Variants in C2orf76 observed in about 807,000 individuals in gnomAD.
The protein encoded by C2orf76 is UPF0538 protein C2orf76.
C2orf76 carries 23 observed loss-of-function variants against 16.9 expected under a neutral mutation model. That is an observed-to-expected ratio of 1.36 (90% CI 0.98 to 1.93). The LOEUF (loss-of-function observed/expected upper bound fraction) is 1.93, where lower values mean the gene tolerates loss of function less well. C2orf76 is among the 30% of genes most tolerant of loss of function. The probability of loss-of-function intolerance (pLI) is 0.00; values close to 1 mark genes in which losing one functional copy is unlikely to be tolerated. For synonymous variants in C2orf76, 48 were observed against 52.3 expected, an observed-to-expected ratio of 0.92 and a Z score of 0.35; for missense variants, 152 against 152.6, an observed-to-expected ratio of 1.00 and a Z score of 0.02.
In C2orf76 at chr2:119,339,920, G is replaced by C. The variant is rs759498731; in HGVS notation, c.40C>G (p.Arg14Gly). 1.9e-6 allele frequency: 3 copies of C among 1,612,792 alleles called. No individual in the cohort carries two copies. Among genetic ancestry groups the C allele is most frequent in the Admixed American group, 3.3e-5 (2 of 59,994 alleles). Residue 14 changes from arginine to glycine, a missense_variant, in exon 2 of 6, where the codon CGT becomes GGT. Transcript: ENST00000334816. ...TTGAAATTGCGATGTTCAAAGGAACGGATGAGGCGAACTGTGATGGTCACT... is the reference window on the plus strand; with the variant it reads ...TTGAAATTGCGATGTTCAAAGGAACCGATGAGGCGAACTGTGATGGTCACT... ...GEVTITVRLI[R>G]SFEHRNFKPV...
At chr2:119,295,990 C>T in the C2orf76 span, among the ~76,000 whole-genome samples, 5 of 152,176 alleles carry the variant, frequency 3.3e-5, no homozygotes, top group African/African-American at 7.2e-5. Context: ...AGGCCATTAT[C>T]GAAACTCTTA....
At chr2:119,285,539 AC>A in the C2orf76 span, among the ~76,000 whole-genome samples, 15 of 152,106 alleles carry the variant, frequency 9.9e-5, no homozygotes, top group Non-Finnish European at 1.5e-4. Flanking sequence ...GTCGTATCCC[AC>A]CCCCAACACC....
At chr2:119,310,670 G>A (rs750956325) in intron 5 of C2orf76, among the ~76,000 whole-genome samples, 4 of 152,052 alleles carry the variant, frequency 2.6e-5, no homozygotes, top group Non-Finnish European at 4.4e-5. Context: ...TTAGAAATTC[G>A]AGACCAGTCT....
At chr2:119,358,629 G>A (rs1266814068) in intron 1 of C2orf76, among the ~76,000 whole-genome samples, 1 of 147,926 alleles carries the variant, frequency 6.8e-6, no homozygotes, top group Non-Finnish European at 1.5e-5. Context: ...TATGGAGAAA[G>A]TCTGAGTGCT....
At chr2:119,346,358 T>A (rs766941220) in intron 1 of C2orf76, among the ~76,000 whole-genome samples, 27 of 152,326 alleles carry the variant, frequency 1.8e-4, no homozygotes, top group Non-Finnish European at 2.6e-4. Context: ...CATATCCATG[T>A]GTAATGCCCC....
Position 119,343,475 on chromosome 2 carries a change from T to TACAC in C2orf76, c.-12-3508_-12-3505dup, listed in dbSNP as rs59651595. ...ACACGCATATGCACACACCTATACC[T>TACAC]ACACACACACACACACACACACACA... On this transcript the variant is annotated intron_variant, in intron 1 of 5. Transcript: ENST00000334816. 2.3e-3 allele frequency among the ~76,000 whole-genome samples: 341 copies of TACAC among 146,048 alleles called. 1 individual carries two copies. The highest frequency in any genetic ancestry group is 5.6e-3 in the East Asian group (27 of 4,802).
intron 1 of C2orf76, among the ~76,000 whole-genome samples, chr2:119,346,317 A>C (rs1680200585): frequency 6.6e-6 from 1 of 152,228 alleles, no homozygotes; most frequent in Admixed American, 6.5e-5. Context: ...AAGTTATGTT[A>C]ACACAAAAAC....
chr2:119,318,238 T>C (rs1679236268), intron 3 of C2orf76, among the ~76,000 whole-genome samples: 1 of 152,242 alleles, frequency 6.6e-6, no homozygotes, highest in Non-Finnish European at 1.5e-5. Flanking sequence ...TTCAACAGGT[T>C]GAAATTCAGA....
intron 4 of C2orf76, among the ~76,000 whole-genome samples, chr2:119,314,463 C>T (rs1344989030): frequency 2.0e-5 from 3 of 152,032 alleles, no homozygotes; most frequent in Admixed American, 2.0e-4. Flanking sequence ...TTATTGAGTC[C>T]TCCATCTTTT....
chr2:119,322,972 C>G (rs544338684), intron 2 of C2orf76, among the ~76,000 whole-genome samples: 3 of 152,060 alleles, frequency 2.0e-5, no homozygotes, highest in Non-Finnish European at 4.4e-5. Context: ...GTGTTACCTA[C>G]TAAAGAAAAG....
intron 2 of C2orf76, among the ~76,000 whole-genome samples, chr2:119,336,474 T>C (rs997385864): frequency 2.0e-5 from 3 of 151,710 alleles, no homozygotes; most frequent in African/African-American, 7.3e-5. Context: ...TTATTATATT[T>C]ATATGACTTA....
intron 2 of C2orf76, among the ~76,000 whole-genome samples, chr2:119,332,289 A>AT (rs941108916): frequency 3.9e-5 from 6 of 151,998 alleles, no homozygotes; most frequent in East Asian, 1.9e-4. Flanking sequence ...AAAGGAAAAA[A>AT]AAAATAAAAC....
chr2:119,337,052 T>C (rs1037168500), intron 2 of C2orf76, among the ~76,000 whole-genome samples: 6 of 101,950 alleles, frequency 5.9e-5, no homozygotes, highest in African/African-American at 2.2e-4. Context: ...CATTTATTTA[T>C]TTATTTATTT....
rs755971263 is a variant in C2orf76 at position 119,311,580 on chromosome 2, G to T, written c.304+42C>A. 9 of 1,598,824 alleles carry T rather than the reference G, an allele frequency of 5.6e-6. No individual in the cohort carries two copies. In the South Asian group the frequency reaches 9.0e-5, roughly 16 times the overall value. ...CATCAGCCAGGCCTCAGGATAGGCCGGCAGAGGTCCCCCTCCAGCAACACA... is the reference window on the plus strand; with the variant it reads ...CATCAGCCAGGCCTCAGGATAGGCCTGCAGAGGTCCCCCTCCAGCAACACA... On this transcript the variant is annotated intron_variant, in intron 5 of 5. Transcript: ENST00000334816.
chr2:119,346,115 G>T (rs1331748359), intron 1 of C2orf76, among the ~76,000 whole-genome samples: 8 of 150,474 alleles, frequency 5.3e-5, no homozygotes, highest in African/African-American at 1.9e-4. Context: ...TACCTATCAG[G>T]ATGGCTAAAA....
chr2:119,295,483 C>G, the C2orf76 span, among the ~76,000 whole-genome samples: 1 of 152,114 alleles, frequency 6.6e-6, no homozygotes, highest in African/African-American at 2.4e-5. Context: ...TCTCATTCCC[C>G]ACCAAATCAG....
At chr2:119,327,896 G>A (rs778915829) in intron 2 of C2orf76, among the ~76,000 whole-genome samples, 1 of 151,702 alleles carries the variant, frequency 6.6e-6, no homozygotes, top group Non-Finnish European at 1.5e-5. Context: ...TAAAGTTTGG[G>A]CAAGAATTTT....
At chr2:119,366,690 C>A (rs1681018455) in intron 1 of C2orf76, 100 bp downstream of exon 1, 1 of 482,566 alleles carries the variant, frequency 2.1e-6, no homozygotes, top group East Asian at 4.1e-5. Context: ...CGTCCCCTCC[C>A]CTTCCCCCGC....
intron 1 of C2orf76, among the ~76,000 whole-genome samples, chr2:119,344,801 A>C (rs1680146249): frequency 6.6e-6 from 1 of 152,198 alleles, no homozygotes; most frequent in Non-Finnish European, 1.5e-5. Flanking sequence ...GGTAATATAA[A>C]ATCGGATACT....
Sources: allele counts gnomAD v4.1 joint callset (sites outside exome capture counted in the v4.1 genomes callset), GRCh38; gene constraint gnomAD v4.1.1; transcripts MANE v1.5; gene names NCBI Gene and HGNC (gene_info 2026-07-23, HGNC 2026-07-21).